The following BRWD1 variants were observed in gnomAD, a reference collection of about 807,000 sequenced individuals.
BRWD1 encodes bromodomain and WD repeat domain containing 1.
A neutral mutation model predicts 251.2 loss-of-function variants in BRWD1; 82 were observed. The observed-to-expected ratio is 0.33, with a 90% CI of 0.27 to 0.39. The LOEUF (loss-of-function observed/expected upper bound fraction) is 0.39. Ranked by LOEUF, BRWD1 falls within the 10% of genes least tolerant of loss-of-function variation. The probability of loss-of-function intolerance (pLI) is 1.00; values close to 1 mark genes in which losing one functional copy is unlikely to be tolerated. For missense variants in BRWD1, 2,233 were observed against 2,711.6 expected, an observed-to-expected ratio of 0.82 and a Z score of 3.92; for synonymous variants, 918 against 902.8, an observed-to-expected ratio of 1.02 and a Z score of -0.30.
chr21:39,286,948 C>T (rs1198109329), intron 8 of BRWD1, among the ~76,000 whole-genome samples: 2 of 152,128 alleles, frequency 1.3e-5, no homozygotes, highest in Non-Finnish European at 2.9e-5. Context: ...AGCACCCATA[C>T]ACTGGTCATC....
chr21:39,225,769 A>T (rs1194364819), intron 27 of BRWD1, among the ~76,000 whole-genome samples: 1 of 152,198 alleles, frequency 6.6e-6, no homozygotes, highest in East Asian at 1.9e-4. Flanking sequence ...TACATGTTTT[A>T]GTCTTTAGCA....
rs183655163 is a variant in BRWD1, at chr21:39,258,396, T to C, written c.2071+91A>G. On this transcript the variant is annotated intron_variant, in intron 18 of 40. Transcript: ENST00000342449. The stretch of plus-strand genomic sequence containing the variant: ...TAAAAATACATTGTTTACTTAAGTT[T>C]CTCACATTACATGTACCTGACAAAG... 4.7e-5 allele frequency: 52 copies of C among 1,109,108 alleles called. No homozygotes were observed. In the East Asian group the frequency reaches 1.3e-3, roughly 28 times the overall value. The allele number at this position is 1,109,108 out of a possible 1,614,324, so 68.7% of individuals were successfully genotyped here. A position where few individuals can be genotyped will look rare whatever the true frequency, so the allele number is the denominator to read the frequency against.
intron 29 of BRWD1, among the ~76,000 whole-genome samples, chr21:39,223,585 G>A (rs1341653239): frequency 1.3e-5 from 2 of 152,184 alleles, no homozygotes; most frequent in African/African-American, 4.8e-5. Context: ...CTGGAGAAAG[G>A]TAGGAGGAAA....
chr21:39,277,227 G>A (rs770656211), intron 11 of BRWD1, 24 bp downstream of exon 11: 1 of 1,544,960 alleles, frequency 6.5e-7, no homozygotes, highest in Admixed American at 1.7e-5. Flanking sequence ...TTAATCTAAA[G>A]GATTTTAAAA....
At chr21:39,212,395 G>T (rs927469023) in intron 34 of BRWD1, among the ~76,000 whole-genome samples, 2 of 152,002 alleles carry the variant, frequency 1.3e-5, no homozygotes, top group African/African-American at 4.8e-5. Context: ...ACAGTCTATG[G>T]ACATGCCATG....
rs758587502 is a variant in BRWD1, at chr21:39,295,889, C to T, written c.463G>A (p.Gly155Arg). 1.3e-6 allele frequency: 2 copies of T among 1,596,626 alleles called. No individual in the cohort carries two copies. Reference sequence around the variant, plus strand: ...GTGGAACACCCTGTGAGTTGTTTTCCTCGATGTATCTCCACTAGGAAATAA... The same window carrying T: ...GTGGAACACCCTGTGAGTTGTTTTCTTCGATGTATCTCCACTAGGAAATAA... ...SPPNLVEIHR[G>R]KQLTGCSTFS... Residue 155 changes from glycine to arginine, a missense_variant, in exon 7 of 41, where the codon GGA becomes AGA. Transcript: ENST00000342449.
intron 4 of BRWD1, among the ~76,000 whole-genome samples, chr21:39,305,245 C>T (rs1046753166): frequency 4.4e-4 from 67 of 152,164 alleles, no homozygotes; most frequent in Non-Finnish European, 1.9e-4. Context: ...ATGCGTGAGC[C>T]ACCACATCTG....
intron 33 of BRWD1, 145 bp from the exon 34 acceptor site, chr21:39,212,852 G>A: frequency 3.6e-6 from 2 of 552,206 alleles, no homozygotes; most frequent in East Asian, 3.3e-5. Context: ...AAGACTACCA[G>A]ATGATCTTTG....
At chr21:39,313,973 G>T (rs1010618250), upstream of BRWD1, 8 of 401,630 alleles carry the variant, frequency 2.0e-5, no homozygotes, top group Non-Finnish European at 4.0e-5. Context: ...CCACAAGAGG[G>T]GGCGATTCAC....
chr21:39,195,399 T>C lies in BRWD1; in HGVS notation c.*860A>G, dbSNP rs113837624. 7.1e-6 allele frequency: 7 copies of C among 985,384 alleles called. No individual in the cohort carries two copies. Among genetic ancestry groups the C allele is most frequent in the Non-Finnish European group, 7.2e-6 (6 of 829,630 alleles). The allele number at this position is 985,384 out of a possible 1,614,324, so 61.0% of individuals were successfully genotyped here. A position where few individuals can be genotyped will look rare whatever the true frequency, so the allele number is the denominator to read the frequency against. ...TAAATCTAAGGCACACGAATTCCTC[T>C]ATTTCACAGAGTAAGATTATGGAAG... is the stretch of plus-strand genomic sequence containing the variant. On this transcript the variant is annotated 3_prime_UTR_variant, in exon 41 of 41. Coordinates refer to ENST00000342449, the MANE Select transcript of BRWD1 (RefSeq NM_033656.4).
At chr21:39,311,532 G>T (rs927071890) in intron 4 of BRWD1, among the ~76,000 whole-genome samples, 4 of 152,194 alleles carry the variant, frequency 2.6e-5, no homozygotes, top group African/African-American at 9.7e-5. Context: ...CTCTCAGGTA[G>T]CACGACAACA....
In BRWD1 at chr21:39,194,207, T is replaced by C. The variant is rs568891540; in HGVS notation, c.*2052A>G. 4 of 982,068 alleles carry C rather than the reference T, an allele frequency of 4.1e-6. No individual in the cohort carries two copies. Among genetic ancestry groups the C allele is most frequent in the Middle Eastern group, 5.3e-4 (1 of 1,900 alleles). The allele number at this position is 982,068 out of a possible 1,614,324, so 60.8% of individuals were successfully genotyped here. On this transcript the variant is annotated 3_prime_UTR_variant, in exon 41 of 41. Transcript: ENST00000342449. ...TAATGAAGCCTAAACTGTCAAAATA[T>C]TGTTTTATACCAAAAGAATGTATGT...
intron 9 of BRWD1, among the ~76,000 whole-genome samples, chr21:39,279,171 C>T (rs2035370567): frequency 6.6e-6 from 1 of 152,100 alleles, no homozygotes; most frequent in Admixed American, 6.6e-5. Context: ...TAATCCAAAT[C>T]AATAAAATTA....
chr21:39,320,481 C>T (rs1403912452), intron 1 of BRWD1, among the ~76,000 whole-genome samples: 1 of 151,970 alleles, frequency 6.6e-6, no homozygotes, highest in Non-Finnish European at 1.5e-5. Context: ...ACTACAGGCA[C>T]CCACCACCAC....
chr21:39,317,152 T>C (rs1319929685), upstream of BRWD1: 1 of 152,130 alleles, frequency 6.6e-6, no homozygotes, highest in Non-Finnish European at 1.5e-5. Flanking sequence ...GAAAAAGAAA[T>C]ACACTGTCCA....
upstream of BRWD1, chr21:39,313,876 C>A: frequency 3.0e-6 from 1 of 331,076 alleles, no homozygotes; most frequent in African/African-American, 2.3e-5. Context: ...TCCCTGCGCG[C>A]AATGAGGCGG....
At chr21:39,232,817 G>C (rs1388034795) in intron 23 of BRWD1, among the ~76,000 whole-genome samples, 1 of 152,120 alleles carries the variant, frequency 6.6e-6, no homozygotes, top group African/African-American at 2.4e-5. Context: ...GTTCTGCCAA[G>C]ACTCCACTCT....
chr21:39,270,595 A>G (rs2035067473), intron 13 of BRWD1, among the ~76,000 whole-genome samples, 162 bp from the exon 14 acceptor site: 1 of 152,234 alleles, frequency 6.6e-6, no homozygotes, highest in Non-Finnish European at 1.5e-5. Context: ...CTGTCTAGAA[A>G]CAGGTGAGGG....
chr21:39,278,648 A>C, intron 10 of BRWD1, 95 bp downstream of exon 10: 1 of 854,218 alleles, frequency 1.2e-6, no homozygotes, highest in Non-Finnish European at 1.8e-6. Flanking sequence ...GAAGTCATTT[A>C]CCATGTAGCT....
Sources: allele counts gnomAD v4.1 joint callset (sites outside exome capture counted in the v4.1 genomes callset), GRCh38; gene constraint gnomAD v4.1.1; transcripts MANE v1.5; gene names NCBI Gene and HGNC (gene_info 2026-07-23, HGNC 2026-07-21).